The following PRUNE2 variants were observed in gnomAD, a reference collection of about 807,000 sequenced individuals.
The protein encoded by PRUNE2 is prune homolog 2 with BCH domain, also known as protein prune homolog 2.
Under a neutral mutation model 252.0 loss-of-function variants are expected in PRUNE2, and 164 were observed. That is an observed-to-expected ratio of 0.65 (90% CI 0.57 to 0.74). PRUNE2 has a LOEUF of 0.74. PRUNE2 is among the 30% of genes least tolerant of loss of function. The pLI is 0.00. For missense variants in PRUNE2, 3,495 were observed against 3,711.0 expected (o/e 0.94, Z 1.51); for synonymous variants, 1,292 against 1,350.2 (o/e 0.96, Z 0.94).
chr9:76,785,481 T>A (rs893007720), intron 6 of PRUNE2: 1 of 152,210 alleles, frequency 6.6e-6, no homozygotes, highest in Non-Finnish European at 1.5e-5. Flanking sequence ...TTTCTCTATC[T>A]CTATCACAAT....
intron 6 of PRUNE2, among the ~76,000 whole-genome samples, chr9:76,794,458 T>C (rs1474319397): frequency 1.3e-5 from 2 of 151,128 alleles, no homozygotes; most frequent in African/African-American, 4.9e-5. Context: ...CTACTAAAAA[T>C]ACAAAAATTA....
chr9:76,624,952 G>T (rs1587767459), intron 16 of PRUNE2: 1 of 987,248 alleles, frequency 1.0e-6, no homozygotes, highest in East Asian at 6.0e-5. Context: ...AGCTTGTTGA[G>T]GTCACCCACA....
intron 1 of PRUNE2, among the ~76,000 whole-genome samples, chr9:76,894,837 TGA>T (rs2062722992): frequency 1.3e-5 from 2 of 151,664 alleles, no homozygotes; most frequent in Non-Finnish European, 2.9e-5. Flanking sequence ...CTGTCCAACA[TGA>T]TGAAACCCCG....
At chr9:76,806,175 G>C (rs73460290) in intron 6 of PRUNE2, among the ~76,000 whole-genome samples, 8,039 of 152,188 alleles carry the variant, frequency 0.053, 250 homozygotes, top group African/African-American at 0.086. Context: ...CCCCAACCCA[G>C]ACCTACTGAG....
chr9:76,770,888 A>T (rs1342712776), intron 6 of PRUNE2, among the ~76,000 whole-genome samples: 2 of 152,184 alleles, frequency 1.3e-5, no homozygotes, highest in African/African-American at 4.8e-5. Flanking sequence ...TGCGAAAGTA[A>T]ATTTGTGAAG....
At chr9:76,644,003 G>A (rs543795084) in intron 12 of PRUNE2, among the ~76,000 whole-genome samples, 10 of 152,246 alleles carry the variant, frequency 6.6e-5, no homozygotes, top group South Asian at 6.2e-4. Context: ...AGGAAGGCAC[G>A]CAGCAGAAGA....
chr9:76,731,144 T>C (rs1251174885), intron 6 of PRUNE2, among the ~76,000 whole-genome samples: 3 of 152,048 alleles, frequency 2.0e-5, no homozygotes, highest in African/African-American at 4.8e-5. Context: ...ATTTCATATT[T>C]CTTTATGCTA....
In PRUNE2 at chr9:76,761,456, G is replaced by A. The variant is rs1420453464; in HGVS notation, c.757-47735C>T. Among the ~76,000 whole-genome samples, 3 of 152,070 alleles carry A rather than the reference G, an allele frequency of 2.0e-5. No individual in the cohort carries two copies. The East Asian group carries it at 5.8e-4, about 29-fold the overall frequency. ...TATATACCTCAAGTCTATGTTTAGG[G>A]GCCTTTAATCCCCAAATAACAAAAG... On this transcript the variant is annotated intron_variant, in intron 6 of 18. Transcript: ENST00000376718.
intron 11 of PRUNE2, among the ~76,000 whole-genome samples, chr9:76,649,310 C>T (rs1383010782): frequency 6.6e-6 from 1 of 151,652 alleles, no homozygotes; most frequent in Non-Finnish European, 1.5e-5. Flanking sequence ...TATGATTATT[C>T]TATATATTCT....
chr9:76,794,779 T>C (rs1304022555), intron 6 of PRUNE2, among the ~76,000 whole-genome samples: 1 of 152,148 alleles, frequency 6.6e-6, no homozygotes, highest in Non-Finnish European at 1.5e-5. Flanking sequence ...CTGCTATATA[T>C]GTATAATGGG....
rs548297198 is a variant in PRUNE2 at position 76,670,464 on chromosome 9, G to A, written c.8277-14962C>T. The stretch of plus-strand genomic sequence containing the variant: ...TGAGATCAAACTGCAAGGCGGCAGT[G>A]AGGCTGGGGGAGGGGCGCCCACCAT... On this transcript the variant is annotated intron_variant, in intron 9 of 18. Transcript: ENST00000376718. Among the ~76,000 whole-genome samples the A allele has an allele frequency of 8.3e-3, 1,250 of 151,108 alleles. 5 individuals carry two copies. The highest frequency in any genetic ancestry group is 0.013 in the Non-Finnish European group (856 of 67,284).
chr9:76,628,703 G>C (rs1320391105), intron 16 of PRUNE2, among the ~76,000 whole-genome samples: 1 of 152,058 alleles, frequency 6.6e-6, no homozygotes, highest in Non-Finnish European at 1.5e-5. Flanking sequence ...GGTGAAAGAG[G>C]ATCTAAAAGA....
chr9:76,646,113 T>C (rs1396938793), intron 11 of PRUNE2, among the ~76,000 whole-genome samples: 1 of 152,244 alleles, frequency 6.6e-6, no homozygotes, highest in Non-Finnish European at 1.5e-5. Flanking sequence ...CTTTCTTATT[T>C]ATTTTACAAA....
intron 6 of PRUNE2, among the ~76,000 whole-genome samples, chr9:76,753,267 T>C (rs2050787395): frequency 6.6e-6 from 1 of 152,182 alleles, no homozygotes; most frequent in Non-Finnish European, 1.5e-5. Flanking sequence ...TAGATTCAAG[T>C]GAGTCCTGCC....
chr9:76,691,737 C>T (rs898640715), intron 9 of PRUNE2, among the ~76,000 whole-genome samples: 3 of 152,162 alleles, frequency 2.0e-5, no homozygotes, highest in Admixed American at 6.5e-5. Context: ...CTGTCACTTC[C>T]TTTTATTTTT....
chr9:76,732,181 G>A lies in PRUNE2; in HGVS notation c.757-18460C>T, dbSNP rs558462230. ...TACAAAAAATTAGCCGGGCATGGTG[G>A]TGGGTGCCTGTAGTCCCAGCTACTG... On this transcript the variant is annotated intron_variant, in intron 6 of 18. Transcript: ENST00000376718. Among the ~76,000 whole-genome samples the A allele has an allele frequency of 3.3e-5, 5 of 152,314 alleles. No individual in the cohort carries two copies. The South Asian group carries it at 1.0e-3, about 32-fold the overall frequency.
Position 76,699,405 on chromosome 9 carries a change from A to C in PRUNE2, c.8276+3932T>G, listed in dbSNP as rs73650278. On this transcript the variant is annotated intron_variant, in intron 9 of 18. Coordinates refer to ENST00000376718, the MANE Select transcript of PRUNE2 (RefSeq NM_015225.3). Reference sequence around the variant, plus strand: ...AAAAGTATTTTTTTAGATGTGATTAACATTGAAATAGGCAGACTTTGAGTA... The same window carrying C: ...AAAAGTATTTTTTTAGATGTGATTACCATTGAAATAGGCAGACTTTGAGTA... 5.6e-3 allele frequency among the ~76,000 whole-genome samples: 859 copies of C among 152,286 alleles called. 4 individuals carry two copies. Among genetic ancestry groups the C allele is most frequent in the African/African-American group, 0.02 (829 of 41,560 alleles).
At chr9:76,614,976 A>C in intron 18 of PRUNE2, 1 of 452,268 alleles carries the variant, frequency 2.2e-6, no homozygotes, top group Non-Finnish European at 3.0e-6. Context: ...GAAGCAAACA[A>C]ATGTTCTGCC....
chr9:76,662,794 G>GAT (rs2039362928), intron 9 of PRUNE2, among the ~76,000 whole-genome samples: 1 of 152,178 alleles, frequency 6.6e-6, no homozygotes, highest in Non-Finnish European at 1.5e-5. Flanking sequence ...CGGTTATGCT[G>GAT]ATATATTTTG....
Sources: gnomAD v4.1 joint callset for allele counts (sites outside exome capture counted in the v4.1 genomes callset) on GRCh38, gnomAD v4.1.1 for gene constraint, MANE v1.5 for transcripts, NCBI Gene and HGNC (gene_info 2026-07-23, HGNC 2026-07-21) for gene names.